The following XPR1 variants were observed in gnomAD, a reference collection of about 807,000 sequenced individuals.
XPR1 encodes the protein solute carrier family 53 member 1.
A neutral mutation model predicts 87.5 loss-of-function variants in XPR1; 28 were observed. The ratio of observed to expected loss-of-function variants is 0.32; its 90% CI spans 0.24 to 0.44. The LOEUF (loss-of-function observed/expected upper bound fraction) is 0.44. Among genes scored for constraint, XPR1 ranks in the 20% least tolerant of loss-of-function variants. The probability of loss-of-function intolerance (pLI) is 1.00; values close to 1 mark genes in which losing one functional copy is unlikely to be tolerated. For synonymous variants in XPR1, 300 were observed against 306.1 expected (o/e 0.98, Z 0.21); for missense variants, 559 against 862.3 (o/e 0.65, Z 4.41).
chr1:180,801,820 A>G (rs1356145411), intron 3 of XPR1, among the ~76,000 whole-genome samples: 5 of 149,682 alleles, frequency 3.3e-5, no homozygotes. Flanking sequence ...TCACTCTGTC[A>G]CCCAGGCTGG....
chr1:180,794,469 C>G (rs933403090), intron 3 of XPR1, among the ~76,000 whole-genome samples: 1 of 152,154 alleles, frequency 6.6e-6, no homozygotes, highest in Non-Finnish European at 1.5e-5. Flanking sequence ...GTGTTATTTA[C>G]TAAATACACC....
chr1:180,741,897 GA>G (rs1418454035), intron 2 of XPR1, among the ~76,000 whole-genome samples: 2 of 152,168 alleles, frequency 1.3e-5, no homozygotes, highest in African/African-American at 2.4e-5. Flanking sequence ...TTGAGGAATT[GA>G]TCTGTTTTAT....
In XPR1 at chr1:180,668,123, C is replaced by CTTTT. The variant is rs758456790; in HGVS notation, c.70-14217_70-14214dup. ...TGCTTTCATATTTATTTCCCTCTAT[C>CTTTT]TTTTTTTTTTTTTTTTTTTTTTTAA... On this transcript the variant is annotated intron_variant, in intron 1 of 14. Transcript: ENST00000367590. 2.5e-3 allele frequency among the ~76,000 whole-genome samples: 238 copies of CTTTT among 94,572 alleles called. 2 individuals carry two copies. The highest frequency in any genetic ancestry group is 6.6e-3 in the Middle Eastern group (1 of 152). The allele number at this position is 94,572 out of a possible 152,430, so 62.0% of individuals were successfully genotyped here.
chr1:180,677,781 C>T (rs1312318099), intron 1 of XPR1, among the ~76,000 whole-genome samples: 1 of 152,098 alleles, frequency 6.6e-6, no homozygotes, highest in African/African-American at 2.4e-5. Context: ...AAACTACGTT[C>T]CTCCCAAAGT....
chr1:180,672,654 A>T (rs17373411), intron 1 of XPR1, among the ~76,000 whole-genome samples: 5,986 of 152,284 alleles, frequency 0.039, 168 homozygotes, highest in Middle Eastern at 0.095. Flanking sequence ...ACTGACTTGT[A>T]CATTATTCAC....
intron 2 of XPR1, among the ~76,000 whole-genome samples, chr1:180,698,169 T>C (rs747345545): frequency 5.5e-4 from 83 of 152,274 alleles, no homozygotes; most frequent in Non-Finnish European, 1.0e-3. Flanking sequence ...TGAATTGATT[T>C]TTTTATCATT....
intron 2 of XPR1, among the ~76,000 whole-genome samples, chr1:180,757,062 G>A (rs192745142): frequency 6.6e-6 from 1 of 152,092 alleles, no homozygotes; most frequent in Non-Finnish European, 1.5e-5. Flanking sequence ...TAGCTTTATG[G>A]TAAGTTTTAA....
chr1:180,676,593 T>C (rs1010385734), intron 1 of XPR1, among the ~76,000 whole-genome samples: 2 of 152,196 alleles, frequency 1.3e-5, no homozygotes, highest in Admixed American at 6.5e-5. Flanking sequence ...TAGAGGACTT[T>C]AATATAAAAT....
chr1:180,708,209 A>G (rs952117268), intron 2 of XPR1, among the ~76,000 whole-genome samples: 3 of 152,222 alleles, frequency 2.0e-5, no homozygotes, highest in South Asian at 2.1e-4. Flanking sequence ...TGTAATCAGT[A>G]GCCAGTGGTT....
intron 1 of XPR1, among the ~76,000 whole-genome samples, chr1:180,669,824 A>G (rs1038527965): frequency 6.6e-6 from 1 of 151,922 alleles, no homozygotes; most frequent in Non-Finnish European, 1.5e-5. Flanking sequence ...TAAGAGATTA[A>G]CAATAATAAC....
intron 1 of XPR1, among the ~76,000 whole-genome samples, chr1:180,676,721 G>A (rs1402507782): frequency 6.6e-6 from 1 of 152,064 alleles, no homozygotes; most frequent in African/African-American, 2.4e-5. Context: ...AAAATACTGA[G>A]TATATATACA....
At chr1:180,860,813 A>AG (rs1652194988) in intron 11 of XPR1, among the ~76,000 whole-genome samples, 1 of 152,076 alleles carries the variant, frequency 6.6e-6, no homozygotes, top group East Asian at 1.9e-4. Flanking sequence ...AAAAAAAAAA[A>AG]AAAGAAATAA....
chr1:180,748,167 T>A (rs113550568), intron 2 of XPR1, among the ~76,000 whole-genome samples: 1 of 152,124 alleles, frequency 6.6e-6, no homozygotes, highest in Non-Finnish European at 1.5e-5. Flanking sequence ...TTAATTCTCT[T>A]GTCTGTGAAA....
intron 1 of XPR1, among the ~76,000 whole-genome samples, chr1:180,665,031 A>G (rs1236901129): frequency 5.3e-5 from 8 of 152,140 alleles, no homozygotes; most frequent in Non-Finnish European, 4.4e-5. Context: ...CCATTCTCAC[A>G]CTGTTATGAA....
At chr1:180,693,102 A>G (rs1211695819) in intron 2 of XPR1, among the ~76,000 whole-genome samples, 2 of 152,240 alleles carry the variant, frequency 1.3e-5, no homozygotes, top group Non-Finnish European at 2.9e-5. Flanking sequence ...GGGAATTACA[A>G]ATGTAGACTC....
intron 2 of XPR1, among the ~76,000 whole-genome samples, chr1:180,685,096 C>T (rs1656717896): frequency 6.6e-6 from 1 of 151,974 alleles, no homozygotes; most frequent in African/African-American, 2.4e-5. Context: ...AGTTTTTGCC[C>T]ATTCAGTATG....
At chr1:180,833,350 G>A (rs12059839) in intron 9 of XPR1, among the ~76,000 whole-genome samples, 1,877 of 152,210 alleles carry the variant, frequency 0.012, 29 homozygotes, top group African/African-American at 0.043. Context: ...ATGTGAACAG[G>A]CTAAATGCCC....
chr1:180,729,601 G>A (rs1273632527), intron 2 of XPR1, among the ~76,000 whole-genome samples: 2 of 152,180 alleles, frequency 1.3e-5, no homozygotes, highest in Non-Finnish European at 2.9e-5. Context: ...ATGCTGACTG[G>A]TGTGAGATGG....
At chr1:180,702,473 T>C (rs1217047776) in intron 2 of XPR1, among the ~76,000 whole-genome samples, 1 of 151,994 alleles carries the variant, frequency 6.6e-6, no homozygotes, top group African/African-American at 2.4e-5. Flanking sequence ...CAGAGCTGAG[T>C]TCAATTCTTT....
Sources: allele counts gnomAD v4.1 joint callset (sites outside exome capture counted in the v4.1 genomes callset), GRCh38; gene constraint gnomAD v4.1.1; transcripts MANE v1.5; gene names NCBI Gene and HGNC (gene_info 2026-07-23, HGNC 2026-07-21).